The following IL1RAPL2 variants were observed in gnomAD, a reference collection of about 807,000 sequenced individuals.
IL1RAPL2 encodes interleukin 1 receptor accessory protein like 2, also known as X-linked interleukin-1 receptor accessory protein-like 2.
A neutral mutation model predicts 44.1 loss-of-function variants in IL1RAPL2; 3 were observed. The ratio of observed to expected loss-of-function variants is 0.07; its 90% CI spans 0.03 to 0.18. IL1RAPL2 has a LOEUF of 0.18. Ranked by LOEUF, IL1RAPL2 falls within the 10% of genes least tolerant of loss-of-function variation. The pLI is 1.00. For synonymous variants in IL1RAPL2, 181 were observed against 178.8 expected, an observed-to-expected ratio of 1.01 and a Z score of -0.10; for missense variants, 391 against 496.4, an observed-to-expected ratio of 0.79 and a Z score of 2.02.
chrX:105,192,101 C>T (rs1270299033), intron 2 of IL1RAPL2, among the ~76,000 whole-genome samples: 5 of 112,104 alleles, frequency 4.5e-5, no homozygotes, highest in Admixed American at 9.5e-5. Flanking sequence ...AGTTCCACTG[C>T]GGCCCCAATT....
At chrX:104,846,344 C>G (rs1197518929) in intron 2 of IL1RAPL2, among the ~76,000 whole-genome samples, 1 of 109,894 alleles carries the variant, frequency 9.1e-6, no homozygotes, top group Non-Finnish European at 1.9e-5. Context: ...TATCCCTCCC[C>G]CCTCTCCCCA....
At chrX:104,863,690 A>G (rs1394155986) in intron 2 of IL1RAPL2, among the ~76,000 whole-genome samples, 1 of 112,187 alleles carries the variant, frequency 8.9e-6, no homozygotes, top group Non-Finnish European at 1.9e-5. Context: ...GCTGTAAAGA[A>G]TGGTTGACTT....
At chrX:104,663,747 A>G (rs1440917853) in intron 2 of IL1RAPL2, among the ~76,000 whole-genome samples, 1 of 105,016 alleles carries the variant, frequency 9.5e-6, no homozygotes, top group Non-Finnish European at 1.9e-5. Flanking sequence ...TTTGGAGTAT[A>G]AGACAAAGTT....
At chrX:104,763,619 A>G (rs1418040507) in intron 2 of IL1RAPL2, among the ~76,000 whole-genome samples, 1 of 111,908 alleles carries the variant, frequency 8.9e-6, no homozygotes, top group Non-Finnish European at 1.9e-5. Context: ...GGCCTCAGGC[A>G]ACTTACAAAC....
At chrX:105,298,506 G>T (rs1458943369) in intron 5 of IL1RAPL2, among the ~76,000 whole-genome samples, 1 of 111,178 alleles carries the variant, frequency 9.0e-6, no homozygotes, top group Non-Finnish European at 1.9e-5. Context: ...ATAAGCTTGA[G>T]GGTTGAGGCT....
chrX:104,655,800 C>A (rs1275974006), intron 1 of IL1RAPL2, among the ~76,000 whole-genome samples: 1 of 111,094 alleles, frequency 9.0e-6, no homozygotes, highest in Non-Finnish European at 1.9e-5. Context: ...TCCATCAGGT[C>A]CTGGACTTTT....
intron 7 of IL1RAPL2, among the ~76,000 whole-genome samples, chrX:105,734,300 G>A (rs927417715): frequency 9.0e-6 from 1 of 111,004 alleles, no homozygotes; most frequent in Non-Finnish European, 1.9e-5. Context: ...TGAGAGGAAA[G>A]CTAGAGTAGT....
At chrX:104,879,840 A>G (rs1239059140) in intron 2 of IL1RAPL2, among the ~76,000 whole-genome samples, 2 of 111,315 alleles carry the variant, frequency 1.8e-5, no homozygotes, top group African/African-American at 6.5e-5. Flanking sequence ...TTTCAGTGAG[A>G]TGGGAGGAAA....
chrX:105,063,085 G>T (rs1222211661), intron 2 of IL1RAPL2, among the ~76,000 whole-genome samples: 1 of 110,521 alleles, frequency 9.0e-6, no homozygotes, highest in Non-Finnish European at 1.9e-5. Context: ...ATCTTTTGAG[G>T]TTATTTTCTA....
intron 5 of IL1RAPL2, among the ~76,000 whole-genome samples, chrX:105,328,263 T>A (rs1159170310): frequency 1.8e-5 from 2 of 111,769 alleles, no homozygotes; most frequent in African/African-American, 6.5e-5. Context: ...AAGAAAGTCA[T>A]TAACATTTCA....
intron 2 of IL1RAPL2, among the ~76,000 whole-genome samples, chrX:104,922,825 T>C (rs889889760): frequency 1.2e-4 from 13 of 111,666 alleles, no homozygotes; most frequent in African/African-American, 4.2e-4. Flanking sequence ...AATGAAAACT[T>C]GGAAATGCCA....
intron 3 of IL1RAPL2, among the ~76,000 whole-genome samples, chrX:105,218,087 A>C (rs1326743879): frequency 9.0e-6 from 1 of 110,715 alleles, no homozygotes; most frequent in Non-Finnish European, 1.9e-5. Context: ...CGTTCTGCAC[A>C]TGTATCCCAG....
intron 2 of IL1RAPL2, among the ~76,000 whole-genome samples, chrX:105,049,680 C>G (rs955025557): frequency 8.9e-6 from 1 of 111,786 alleles, no homozygotes; most frequent in African/African-American, 3.3e-5. Context: ...TTTGATTAAA[C>G]TGAACTGCCA....
intron 2 of IL1RAPL2, among the ~76,000 whole-genome samples, chrX:104,805,273 T>G (rs899984733): frequency 8.9e-6 from 1 of 112,088 alleles, no homozygotes; most frequent in South Asian, 3.7e-4. Context: ...GAATTATTTA[T>G]ATCCTACTGC....
chrX:104,659,057 G>A, intron 2 of IL1RAPL2, 62 bp downstream of exon 2: 1 of 770,476 alleles, frequency 1.3e-6, no homozygotes, highest in Non-Finnish European at 2.0e-6. Context: ...AGCACCCAGA[G>A]GGCACCTGTG....
chrX:105,222,693 A>G (rs1157886062), intron 3 of IL1RAPL2, among the ~76,000 whole-genome samples: 1 of 111,948 alleles, frequency 8.9e-6, no homozygotes, highest in Non-Finnish European at 1.9e-5. Flanking sequence ...GCCATTTGGT[A>G]GATAGAATGC....
chrX:105,566,673 T>C (rs1365207980), intron 6 of IL1RAPL2, among the ~76,000 whole-genome samples: 1 of 111,562 alleles, frequency 9.0e-6, no homozygotes, highest in African/African-American at 3.3e-5. Context: ...TAGGAGACTT[T>C]TAAACTTTTC....
intron 5 of IL1RAPL2, among the ~76,000 whole-genome samples, chrX:105,399,689 C>T (rs2035592720): frequency 9.0e-6 from 1 of 111,387 alleles, no homozygotes. Flanking sequence ...TAATCTGATG[C>T]TATTTTAATT....
chrX:105,696,341 G>A (rs776595595), intron 6 of IL1RAPL2, among the ~76,000 whole-genome samples: 12 of 111,562 alleles, frequency 1.1e-4, no homozygotes, highest in African/African-American at 1.6e-4. Context: ...CAGCTGGAGG[G>A]CATGATTCTG....
Sources: allele counts gnomAD v4.1 joint callset (sites outside exome capture counted in the v4.1 genomes callset), GRCh38; gene constraint gnomAD v4.1.1; transcripts MANE v1.5; gene names NCBI Gene and HGNC (gene_info 2026-07-23, HGNC 2026-07-21).